PCNT: variants seen among roughly 807,000 people sequenced by gnomAD.
The protein encoded by PCNT is kendrin.
Under a neutral mutation model 380.4 loss-of-function variants are expected in PCNT, and 319 were observed. That is an observed-to-expected ratio of 0.84 (90% CI 0.77 to 0.92). The LOEUF is 0.92. PCNT is among the 40% of genes least tolerant of loss of function. PCNT has a pLI of 0.00. For synonymous variants in PCNT, 1,845 were observed against 1,735.2 expected (o/e 1.06, Z -1.57); for missense variants, 4,400 against 4,255.3 (o/e 1.03, Z -0.95).
intron 3 of PCNT, among the ~76,000 whole-genome samples, chr21:46,336,981 G>GT (rs745484512): frequency 2.0e-5 from 2 of 99,002 alleles, no homozygotes; most frequent in East Asian, 3.5e-4. Flanking sequence ...TTAGAAGGTT[G>GT]TTTTTTTTGT....
intron 20 of PCNT, 77 bp from the exon 21 acceptor site, chr21:46,391,087 C>T (rs918318800): frequency 2.7e-5 from 38 of 1,388,970 alleles, no homozygotes; most frequent in South Asian, 1.6e-4. Flanking sequence ...GCAGTGGCCC[C>T]GTCCCTTCCT....
chr21:46,411,141 C>T (rs773730479), intron 27 of PCNT, 48 bp from the exon 28 acceptor site: 3 of 1,571,982 alleles, frequency 1.9e-6, no homozygotes, highest in South Asian at 1.1e-5. Flanking sequence ...TAGGGACATT[C>T]GGAAGTGGAT....
intron 38 of PCNT, among the ~76,000 whole-genome samples, chr21:46,434,479 T>C (rs2839259): frequency 0.18 from 27,642 of 152,234 alleles, 4,762 homozygotes; most frequent in African/African-American, 0.45. Context: ...CTCTTCCCGC[T>C]GGATCTGTCT....
intron 13 of PCNT, among the ~76,000 whole-genome samples, chr21:46,361,093 T>C (rs951544230): frequency 5.9e-5 from 9 of 152,202 alleles, no homozygotes; most frequent in African/African-American, 1.9e-4. Context: ...CTCCAGGGAT[T>C]AAAATACACA....
In PCNT at chr21:46,428,518, C is replaced by T; in HGVS notation, c.7618C>T (p.Gln2540Ter). The change falls in exon 35 of 47, where the codon CAG (glutamine) becomes TAG (stop). Residue 2540 changes from glutamine (Q) to a stop codon, truncating the protein, a stop_gained. Coordinates refer to ENST00000359568, the MANE Select transcript of PCNT (RefSeq NM_006031.6). LOFTEE classifies it high-confidence loss of function. ...GCACCTGCAGAACCAGGAGAAGCTG[C>T]AGCACTTGCGCACGGCGCTGACAAG... is the stretch of plus-strand genomic sequence containing the variant. ...MTHLQNQEKL[Q>*]HLRTALTSAE... 1 of 1,611,650 alleles carries T rather than the reference C, an allele frequency of 6.2e-7. No homozygotes were observed. The highest frequency in any genetic ancestry group is 1.7e-5 in the Admixed American group (1 of 59,936).
At chr21:46,421,881 C>T (rs947761382) in intron 31 of PCNT, 89 bp from the exon 32 acceptor site, 139 of 1,440,542 alleles carry the variant, frequency 9.6e-5, no homozygotes, top group Non-Finnish European at 1.3e-4. Context: ...GACTGCGGGC[C>T]GATCACCCCT....
intron 1 of PCNT, chr21:46,325,021 G>A: frequency 1.0e-6 from 1 of 985,306 alleles, no homozygotes; most frequent in Admixed American, 6.1e-5. Flanking sequence ...CGCTGGCGCC[G>A]GGCGCCTTCA....
At chr21:46,391,124 C>G (rs1267791197) in intron 20 of PCNT, 40 bp from the exon 21 acceptor site, 2 of 1,526,672 alleles carry the variant, frequency 1.3e-6, no homozygotes, top group African/African-American at 2.7e-5. Context: ...CAGTTACACC[C>G]AGGACTGGCT....
rs1179560746 is a variant in PCNT, at chr21:46,430,531, C to G, written c.7938C>G (p.Asn2646Lys). ...GATCCATGCTGAGCAGTAAGGAGAA[C>G]GAGCTGAAGGCCGCGCTTCAGGAGC... Reference protein sequence around the residue: ...QLRSMLSSKENELKAALQELE... With the variant: ...QLRSMLSSKEKELKAALQELE... Residue 2646 changes from asparagine to lysine, a missense_variant, in exon 37 of 47, where the codon AAC (asparagine) becomes AAG (lysine). Coordinates refer to ENST00000359568, the MANE Select transcript of PCNT (RefSeq NM_006031.6). The G allele has an allele frequency of 3.3e-5, 51 of 1,553,062 alleles. No individual in the cohort carries two copies. The highest frequency in any genetic ancestry group is 4.0e-5 in the Non-Finnish European group (46 of 1,148,658).
chr21:46,338,431 A>G (rs1395043878), intron 3 of PCNT, among the ~76,000 whole-genome samples: 1 of 152,158 alleles, frequency 6.6e-6, no homozygotes, highest in African/African-American at 2.4e-5. Context: ...TTTTTAAATC[A>G]CTTAGCAAAA....
intron 21 of PCNT, among the ~76,000 whole-genome samples, chr21:46,396,133 G>A (rs2086202257): frequency 6.6e-6 from 1 of 152,270 alleles, no homozygotes; most frequent in Non-Finnish European, 1.5e-5. Flanking sequence ...CTTAGCAGCA[G>A]AGAGCCCCTT....
intron 33 of PCNT, 43 bp from the exon 34 acceptor site, chr21:46,427,579 G>A: frequency 1.9e-6 from 3 of 1,612,144 alleles, no homozygotes; most frequent in Non-Finnish European, 1.7e-6. Context: ...CAAGGATGCA[G>A]GTGCATTTGT....
rs773781091 is a variant in PCNT at position 46,355,469 on chromosome 21, C to T, written c.1779C>T (p.Phe593=). The change falls in exon 12 of 47, where the codon TTC becomes TTT. Residue 593 remains phenylalanine, a synonymous_variant. Coordinates refer to ENST00000359568, the MANE Select transcript of PCNT (RefSeq NM_006031.6). ...PERHKESLPR[F]QAELEESHRH... is the part of the protein sequence containing the mutation. Reference sequence around the variant, plus strand: ...CTCTGTAGGAGAGCCTGCCACGCTTCCAGGCGGAGTTAGAAGAAAGCCACA... The same window carrying T: ...CTCTGTAGGAGAGCCTGCCACGCTTTCAGGCGGAGTTAGAAGAAAGCCACA... The T allele has an allele frequency of 1.8e-5, 29 of 1,613,886 alleles. No homozygotes were observed. The highest frequency in any genetic ancestry group is 2.4e-5 in the Non-Finnish European group (28 of 1,180,044).
chr21:46,385,630 G>C (rs2085802960), intron 16 of PCNT, among the ~76,000 whole-genome samples: 1 of 152,182 alleles, frequency 6.6e-6, no homozygotes, highest in Non-Finnish European at 1.5e-5. Context: ...CCTTTGCTGA[G>C]GTCACGCCTT....
Position 46,421,919 on chromosome 21 carries a change from G to A in PCNT, c.7025-51G>A, listed in dbSNP as rs570978549. 4 of 1,605,380 alleles carry A rather than the reference G, an allele frequency of 2.5e-6. No individual in the cohort carries two copies. In the East Asian group the frequency reaches 9.0e-5, roughly 36 times the overall value. On this transcript the variant is annotated intron_variant, in intron 31 of 46. Coordinates refer to ENST00000359568, the MANE Select transcript of PCNT (RefSeq NM_006031.6). ...CCTGCCTCTGCAGTGCGTCCCCTGG[G>A]GAACCCCCTGGAGAGCTGTGGGTGG... is the stretch of plus-strand genomic sequence containing the variant.
intron 3 of PCNT, 126 bp downstream of exon 3, chr21:46,334,894 G>A (rs999197971): frequency 6.9e-7 from 1 of 1,458,370 alleles, no homozygotes; most frequent in Admixed American, 1.9e-5. Context: ...GAAACTGGAA[G>A]CATAGAGAGC....
At chr21:46,413,957 G>A (rs938871811) in intron 29 of PCNT, among the ~76,000 whole-genome samples, 28 of 151,684 alleles carry the variant, frequency 1.8e-4, no homozygotes, top group African/African-American at 6.8e-4. Flanking sequence ...TCCTCAGGCC[G>A]CATCAGGTGC....
chr21:46,343,143 G>A (rs2083957269), intron 3 of PCNT, among the ~76,000 whole-genome samples: 1 of 152,040 alleles, frequency 6.6e-6, no homozygotes. Flanking sequence ...TTACTGATTT[G>A]GATGCCCTCT....
intron 32 of PCNT, 90 bp downstream of exon 32, chr21:46,422,214 C>T: frequency 6.6e-7 from 1 of 1,505,602 alleles, no homozygotes; most frequent in East Asian, 2.3e-5. Context: ...CGGGGAGAGC[C>T]TTGGAGGGCC....
Sources: gnomAD v4.1 joint callset for allele counts (sites outside exome capture counted in the v4.1 genomes callset) on GRCh38, gnomAD v4.1.1 for gene constraint, MANE v1.5 for transcripts, NCBI Gene and HGNC (gene_info 2026-07-23, HGNC 2026-07-21) for gene names.